The following UBE2D2 variants were observed in gnomAD, a reference collection of about 807,000 sequenced individuals.
UBE2D2 encodes ubiquitin-conjugating enzyme E2 D2.
A neutral mutation model predicts 24.2 loss-of-function variants in UBE2D2; 2 were observed. That is an observed-to-expected ratio of 0.08 (90% CI 0.03 to 0.26). The LOEUF is 0.26. Ranked by LOEUF, UBE2D2 falls within the 10% of genes least tolerant of loss-of-function variation. The pLI, the probability that UBE2D2 is intolerant of heterozygous loss-of-function variation, is 1.00. For synonymous variants in UBE2D2, 58 were observed against 56.5 expected, an observed-to-expected ratio of 1.03 and a Z score of -0.12; for missense variants, 44 against 177.6, an observed-to-expected ratio of 0.25 and a Z score of 4.28.
At chr5:139,540,545 C>CAAAA (rs540123430) in intron 1 of UBE2D2, among the ~76,000 whole-genome samples, 2 of 94,522 alleles carry the variant, frequency 2.1e-5, no homozygotes, top group South Asian at 3.4e-4. Context: ...GACTCCATCT[C>CAAAA]AAAAAAAAAA....
At chr5:139,559,217 G>C (rs2126643745), upstream of UBE2D2, among the ~76,000 whole-genome samples, 1 of 152,192 alleles carries the variant, frequency 6.6e-6, no homozygotes, top group Admixed American at 6.5e-5. Context: ...ACGAGGTCAG[G>C]AGATTGAGAC....
intron 1 of UBE2D2, among the ~76,000 whole-genome samples, chr5:139,575,134 C>T (rs891583007): frequency 2.6e-5 from 4 of 152,154 alleles, no homozygotes; most frequent in African/African-American, 9.7e-5. Context: ...TTCACCCTCC[C>T]GTACTTGCTC....
At chr5:139,532,856 T>C (rs1752614128) in intron 1 of UBE2D2, among the ~76,000 whole-genome samples, 1 of 151,964 alleles carries the variant, frequency 6.6e-6, no homozygotes, top group South Asian at 2.1e-4. Context: ...CCAGTAATCC[T>C]AGCACTTTGG....
At chr5:139,526,854 T>C (rs1276028866) in intron 1 of UBE2D2, among the ~76,000 whole-genome samples, 2 of 152,248 alleles carry the variant, frequency 1.3e-5, no homozygotes, top group Non-Finnish European at 2.9e-5. Context: ...TACTTTAGTT[T>C]TGGTTTTCAC....
At chr5:139,562,048 C>A (rs1480100983) in intron 1 of UBE2D2, 4 of 807,774 alleles carry the variant, frequency 5.0e-6, no homozygotes, top group Non-Finnish European at 7.3e-6. Flanking sequence ...CCCCGGCTGC[C>A]CTTCCAGGCC....
chr5:139,604,490 G>A (rs1336970934), intron 2 of UBE2D2, among the ~76,000 whole-genome samples: 2 of 152,130 alleles, frequency 1.3e-5, no homozygotes, highest in Non-Finnish European at 2.9e-5. Flanking sequence ...TTAAAAAATA[G>A]TCAAAGGATC....
intron 1 of UBE2D2, chr5:139,562,270 G>A (rs1753120535): frequency 1.5e-6 from 2 of 1,357,938 alleles, no homozygotes; most frequent in African/African-American, 1.5e-5. Flanking sequence ...GCCTGAGCTC[G>A]GGCTGACAGA....
chr5:139,574,388 G>A lies in UBE2D2; in HGVS notation c.24+12573G>A, dbSNP rs113666880. ...TGGGGAATGCTGCTGTAGTTGTAAC[G>A]CTTGTAGTTGGTCCTTCCTAGAATC... On this transcript the variant is annotated intron_variant, in intron 1 of 6. Coordinates refer to ENST00000398733, the MANE Select transcript of UBE2D2 (RefSeq NM_003339.3). 7.1e-3 allele frequency among the ~76,000 whole-genome samples: 1,085 copies of A among 151,750 alleles called. 12 individuals are homozygous for A. Among genetic ancestry groups the A allele is most frequent in the Non-Finnish European group, 0.012 (833 of 67,904 alleles).
At chr5:139,584,902 T>C (rs1753693080) in intron 1 of UBE2D2, among the ~76,000 whole-genome samples, 1 of 130,920 alleles carries the variant, frequency 7.6e-6, no homozygotes, top group East Asian at 2.2e-4. Context: ...ATAAACTAAC[T>C]TTTTTTTTTT....
intron 1 of UBE2D2, among the ~76,000 whole-genome samples, chr5:139,584,533 CTTTT>C (rs10642044): frequency 7.5e-6 from 1 of 133,058 alleles, no homozygotes; most frequent in Admixed American, 7.8e-5. Flanking sequence ...CTTTTCTTTT[CTTTT>C]TTTTTTTTTT....
At chr5:139,543,197 T>C (rs1752781006) in intron 1 of UBE2D2, among the ~76,000 whole-genome samples, 1 of 152,172 alleles carries the variant, frequency 6.6e-6, no homozygotes, top group African/African-American at 2.4e-5. Flanking sequence ...GCCTGGCATA[T>C]GTTACTTTTT....
intron 1 of UBE2D2, among the ~76,000 whole-genome samples, chr5:139,577,979 A>C (rs1183820357): frequency 6.6e-6 from 1 of 152,232 alleles, no homozygotes; most frequent in Non-Finnish European, 1.5e-5. Flanking sequence ...AATGCCAGGA[A>C]GGAAGCCCTT....
In UBE2D2 at chr5:139,530,883, G is replaced by A. The variant is rs73790662; in HGVS notation, c.-64+4271G>A. 5.8e-3 allele frequency among the ~76,000 whole-genome samples: 886 copies of A among 152,268 alleles called. 14 individuals carry two copies. Among genetic ancestry groups the A allele is most frequent in the African/African-American group, 0.02 (837 of 41,562 alleles). On this transcript the variant is annotated intron_variant, in intron 1 of 6. Transcript: ENST00000511725. Reference sequence around the variant, plus strand: ...TGTAATAAAAATAATAATAGTAATAGGAACCTGCTTACTGCTCCCTTGTCT... The same window carrying A: ...TGTAATAAAAATAATAATAGTAATAAGAACCTGCTTACTGCTCCCTTGTCT...
At chr5:139,585,969 GAA>G (rs1194580614) in intron 1 of UBE2D2, among the ~76,000 whole-genome samples, 4 of 99,992 alleles carry the variant, frequency 4.0e-5, no homozygotes, top group Non-Finnish European at 8.3e-5. Context: ...AAAGAAGAAA[GAA>G]ATACAGCTAT....
intron 1 of UBE2D2, among the ~76,000 whole-genome samples, chr5:139,533,708 G>T (rs764426333): frequency 4.0e-5 from 6 of 151,850 alleles, no homozygotes; most frequent in Non-Finnish European, 8.8e-5. Context: ...AAGGACCAGT[G>T]TATTACTGGG....
intron 1 of UBE2D2, among the ~76,000 whole-genome samples, chr5:139,591,156 T>C (rs1387960273): frequency 6.8e-6 from 1 of 146,106 alleles, no homozygotes; most frequent in Non-Finnish European, 1.5e-5. Context: ...AGTTTCGCTG[T>C]TGTTGCCCAG....
At chr5:139,556,249 A>G (rs1183718412), upstream of UBE2D2, among the ~76,000 whole-genome samples, 1 of 151,562 alleles carries the variant, frequency 6.6e-6, no homozygotes, top group Non-Finnish European at 1.5e-5. Flanking sequence ...AAAAAAAAAA[A>G]AGAAATCAAA....
intron 6 of UBE2D2, among the ~76,000 whole-genome samples, chr5:139,625,793 C>T (rs1389036479): frequency 5.9e-5 from 9 of 151,676 alleles, no homozygotes; most frequent in Non-Finnish European, 1.0e-4. Context: ...TCAGTAGAGA[C>T]GGGATTTTGC....
At chr5:139,534,304 C>G (rs1437531870) in intron 1 of UBE2D2, among the ~76,000 whole-genome samples, 3 of 151,848 alleles carry the variant, frequency 2.0e-5, no homozygotes, top group African/African-American at 7.3e-5. Flanking sequence ...CAGTGGCTCA[C>G]GCCTGTAATC....
Sources: allele counts gnomAD v4.1 joint callset (sites outside exome capture counted in the v4.1 genomes callset), GRCh38; gene constraint gnomAD v4.1.1; transcripts MANE v1.5; gene names NCBI Gene and HGNC (gene_info 2026-07-23, HGNC 2026-07-21).